Variants in GPA33 observed in about 807,000 individuals in gnomAD.
GPA33 encodes the protein cell surface A33 antigen.
In GPA33, 27 loss-of-function variants were observed where a neutral mutation model predicts 35.6. That is an observed-to-expected ratio of 0.76 (90% CI 0.56 to 1.04). GPA33 has a LOEUF of 1.04. Ranked by LOEUF, GPA33 falls within the 50% of genes least tolerant of loss-of-function variation. The pLI, the probability that GPA33 is intolerant of heterozygous loss-of-function variation, is 0.00. For missense variants in GPA33, 428 were observed against 411.9 expected (o/e 1.04, Z -0.34); for synonymous variants, 176 against 164.0 (o/e 1.07, Z -0.56).
intron 1 of GPA33, 145 bp from the exon 2 acceptor site, chr1:167,073,684 C>G: frequency 3.0e-6 from 2 of 668,800 alleles, no homozygotes; most frequent in East Asian, 5.5e-5. Flanking sequence ...CACCTTGGCC[C>G]TGGCAACCAG....
intron 3 of GPA33, among the ~76,000 whole-genome samples, chr1:167,064,500 C>T (rs557704043): frequency 3.4e-4 from 52 of 152,118 alleles, no homozygotes; most frequent in Non-Finnish European, 6.0e-4. Context: ...TCCTCACTTC[C>T]CCTCGACCTC....
intron 1 of GPA33, among the ~76,000 whole-genome samples, chr1:167,080,220 C>T (rs1328116774): frequency 6.6e-6 from 1 of 152,172 alleles, no homozygotes; most frequent in Non-Finnish European, 1.5e-5. Flanking sequence ...CTGAGCTCTT[C>T]TGATGCTCAA....
At chr1:167,074,695 C>T (rs890765070) in intron 1 of GPA33, among the ~76,000 whole-genome samples, 10 of 150,774 alleles carry the variant, frequency 6.6e-5, no homozygotes, top group African/African-American at 2.4e-4. Context: ...AGGCAGGAGT[C>T]AGCTTAGTCT....
chr1:167,077,342 A>T (rs1666844298), intron 1 of GPA33, among the ~76,000 whole-genome samples: 2 of 152,104 alleles, frequency 1.3e-5, no homozygotes, highest in African/African-American at 4.8e-5. Flanking sequence ...GCCCATCTAG[A>T]TATCATTTCT....
Position 167,073,428 on chromosome 1 carries a change from C to T in GPA33, c.155G>A (p.Arg52Gln), listed in dbSNP as rs774631325. The change falls in exon 2 of 7, where the codon CGA becomes CAA. Residue 52 changes from arginine (R) to glutamine (Q), a missense_variant. Transcript: ENST00000367868. ...CTTATCCCATTGAATAAGTCCCTCT[C>T]GACTGGAGGTGGAAGTGTGGTAGGT... ...PCTYHTSTSS[R>Q]EGLIQWDKLL... 16 of 1,613,472 alleles carry T rather than the reference C, an allele frequency of 9.9e-6. No homozygotes were observed. Among genetic ancestry groups the T allele is most frequent in the Non-Finnish European group, 1.2e-5 (14 of 1,179,728 alleles).
chr1:167,069,204 C>G lies in GPA33; in HGVS notation c.199-66G>C, dbSNP rs571822938. ...CCCTTGCCTGGTGCTTCCAGCCTGC[C>G]CTGACTACCCTCATCCCCCAGTTTC... is the stretch of plus-strand genomic sequence containing the variant. On this transcript the variant is annotated intron_variant, in intron 2 of 6. Transcript: ENST00000367868. 3 of 1,050,522 alleles carry G rather than the reference C, an allele frequency of 2.9e-6. No homozygotes were observed. The East Asian group carries it at 7.6e-5, about 26-fold the overall frequency. 65.1% of individuals were successfully genotyped at this position (1,050,522 alleles called of 1,614,324 possible).
chr1:167,066,648 C>T (rs374249574), intron 3 of GPA33, among the ~76,000 whole-genome samples: 3 of 152,348 alleles, frequency 2.0e-5, no homozygotes, highest in East Asian at 3.9e-4. Context: ...GTGAGACCTC[C>T]GGGGGACTCG....
chr1:167,073,459 G>A lies in GPA33; in HGVS notation c.124C>T (p.Pro42Ser), dbSNP rs758267131. The part of the protein sequence containing the change: ...RASQGKSVTL[P>S]CTYHTSTSSR... ...GAGGTGGAAGTGTGGTAGGTGCAGG[G>A]CAGGGTGACACTCTTTCCCTGCGAA... The change falls in exon 2 of 7, where the codon CCC (proline) becomes TCC (serine). Residue 42 changes from proline to serine, a missense_variant. Physicochemically the swap from Pro to Ser is moderately conservative, Grantham distance 74 (BLOSUM62 -1). Transcript: ENST00000367868. The A allele has an allele frequency of 3.7e-6, 6 of 1,612,630 alleles. No homozygotes were observed. In the South Asian group the frequency reaches 6.6e-5, roughly 18 times the overall value.
At chr1:167,063,286 G>A (rs903971687) in intron 4 of GPA33, among the ~76,000 whole-genome samples, 1 of 152,200 alleles carries the variant, frequency 6.6e-6, no homozygotes, top group Non-Finnish European at 1.5e-5. Context: ...GTGGGCACCT[G>A]TAATCCTAGC....
intron 4 of GPA33, among the ~76,000 whole-genome samples, chr1:167,061,355 A>G (rs914831942): frequency 2.6e-5 from 4 of 152,180 alleles, no homozygotes; most frequent in African/African-American, 9.7e-5. Flanking sequence ...AGACACTACC[A>G]GTGTCCACAG....
rs147358378 is a variant in GPA33, at chr1:167,089,888, A to G, written c.43+357T>C. On this transcript the variant is annotated intron_variant, in intron 1 of 6. Coordinates refer to ENST00000367868, the MANE Select transcript of GPA33 (RefSeq NM_005814.3). The stretch of plus-strand genomic sequence containing the variant: ...AACGTTAATATACTAGATAATGAAC[A>G]TATCTAGATCCACACATCCTGGATT... 7.2e-5 allele frequency among the ~76,000 whole-genome samples: 11 copies of G among 151,832 alleles called. No homozygotes were observed. In the East Asian group the frequency reaches 2.1e-3, roughly 29 times the overall value.
chr1:167,087,699 G>T (rs187360594), intron 1 of GPA33, among the ~76,000 whole-genome samples: 1 of 152,152 alleles, frequency 6.6e-6, no homozygotes, highest in Non-Finnish European at 1.5e-5. Context: ...GGCTTATTGC[G>T]AGGTCAAGAG....
rs3753914 is a variant in GPA33 at position 167,053,464 on chromosome 1, A to G, written c.*870T>C. ...TTAAGTGCCCACTAGGATGGGCGCC[A>G]GCTACTAGGGCTTCAGGGAAAGCAA... On this transcript the variant is annotated 3_prime_UTR_variant, in exon 7 of 7. Transcript: ENST00000367868. 59,081 of 152,250 alleles carry G rather than the reference A, an allele frequency of 0.39. 12,163 individuals carry two copies. Among genetic ancestry groups the G allele is most frequent in the South Asian group, 0.58 (2,780 of 4,826 alleles). 9.4% of individuals were successfully genotyped at this position (152,250 alleles called of 1,614,324 possible). A position where few individuals can be genotyped will look rare whatever the true frequency, so the allele number is the denominator to read the frequency against.
At chr1:167,066,236 G>T (rs1666590315) in intron 3 of GPA33, among the ~76,000 whole-genome samples, 1 of 152,142 alleles carries the variant, frequency 6.6e-6, no homozygotes, top group Non-Finnish European at 1.5e-5. Context: ...AGGTTTCTTT[G>T]GGATAAAAGA....
rs971495714 is a variant in GPA33, at chr1:167,059,387, G to C, written c.572-3538C>G. On this transcript the variant is annotated intron_variant, in intron 4 of 6. Coordinates refer to ENST00000367868, the MANE Select transcript of GPA33 (RefSeq NM_005814.3). Reference sequence around the variant, plus strand: ...GGTCATACGCTTCCCACCTTCCTCTGCTCCAGCTGTGGAGAGATTCCCCTC... The same window carrying C: ...GGTCATACGCTTCCCACCTTCCTCTCCTCCAGCTGTGGAGAGATTCCCCTC... Among the ~76,000 whole-genome samples, 6 of 152,116 alleles carry C rather than the reference G, an allele frequency of 3.9e-5. No individual in the cohort carries two copies. The East Asian group carries it at 1.2e-3, about 29-fold the overall frequency.
intron 3 of GPA33, among the ~76,000 whole-genome samples, chr1:167,067,859 A>G (rs1275050724): frequency 6.6e-6 from 1 of 152,194 alleles, no homozygotes; most frequent in East Asian, 1.9e-4. Flanking sequence ...AAAGGAAAAG[A>G]GAAAAGTATG....
Position 167,052,919 on chromosome 1 carries a change from A to AT in GPA33, c.*1414dup, listed in dbSNP as rs1222072148. ...TTTAACAATATATATAAAAATATAC[A>AT]TTTTTTAAAAAATCGCAAGTAGACA... On this transcript the variant is annotated 3_prime_UTR_variant, in exon 7 of 7. Transcript: ENST00000367868. The AT allele has an allele frequency of 3.9e-5, 6 of 152,222 alleles. No individual in the cohort carries two copies. Among genetic ancestry groups the AT allele is most frequent in the Admixed American group, 3.3e-4 (5 of 15,286 alleles). 9.4% of individuals were successfully genotyped at this position (152,222 alleles called of 1,614,324 possible). A position where few individuals can be genotyped will look rare whatever the true frequency, so the allele number is the denominator to read the frequency against.
chr1:167,072,094 C>T (rs1167446659), intron 2 of GPA33, among the ~76,000 whole-genome samples: 1 of 152,158 alleles, frequency 6.6e-6, no homozygotes, highest in Non-Finnish European at 1.5e-5. Context: ...GGCTATGGCC[C>T]ATCATGGTCC....
intron 3 of GPA33, among the ~76,000 whole-genome samples, chr1:167,065,388 A>G (rs996998386): frequency 1.3e-5 from 2 of 152,232 alleles, no homozygotes; most frequent in African/African-American, 4.8e-5. Context: ...AAGAAGCAGC[A>G]TGAAGCATGC....
Sources: gnomAD v4.1 joint callset for allele counts (sites outside exome capture counted in the v4.1 genomes callset) on GRCh38, gnomAD v4.1.1 for gene constraint, MANE v1.5 for transcripts, NCBI Gene and HGNC (gene_info 2026-07-23, HGNC 2026-07-21) for gene names.